The following DPP6 variants were observed in gnomAD, a reference collection of about 807,000 sequenced individuals.
The protein encoded by DPP6 is A-type potassium channel modulatory protein DPP6.
DPP6 carries 69 observed loss-of-function variants against 122.6 expected under a neutral mutation model. The ratio of observed to expected loss-of-function variants is 0.56; its 90% CI spans 0.46 to 0.69. The LOEUF (loss-of-function observed/expected upper bound fraction) is 0.69, where lower values mean the gene tolerates loss of function less well. Among genes scored for constraint, DPP6 ranks in the 30% least tolerant of loss-of-function variants. The pLI is 0.00. For synonymous variants in DPP6, 418 were observed against 433.1 expected, an observed-to-expected ratio of 0.97 and a Z score of 0.43; for missense variants, 928 against 1,116.9, an observed-to-expected ratio of 0.83 and a Z score of 2.41.
chr7:154,772,623 G>T (rs563384917), intron 9 of DPP6, among the ~76,000 whole-genome samples: 9 of 152,250 alleles, frequency 5.9e-5, no homozygotes, highest in African/African-American at 2.2e-4. Context: ...AATGGGAAGC[G>T]GATGGGATTC....
intron 1 of DPP6, among the ~76,000 whole-genome samples, chr7:153,942,300 A>G (rs916445875): frequency 6.6e-6 from 1 of 152,192 alleles, no homozygotes; most frequent in Admixed American, 6.5e-5. Context: ...GCGACTTACA[A>G]GAATTTGCAT....
At chr7:153,814,213 A>AC in the DPP6 span, among the ~76,000 whole-genome samples, 1 of 150,298 alleles carries the variant, frequency 6.7e-6, no homozygotes, top group Non-Finnish European at 1.5e-5. Flanking sequence ...CACTAGCAAG[A>AC]CTAATAAAGA....
chr7:154,247,490 A>C (rs757828413), intron 1 of DPP6, among the ~76,000 whole-genome samples: 1 of 152,218 alleles, frequency 6.6e-6, no homozygotes, highest in South Asian at 2.1e-4. Context: ...CAATAAGCAC[A>C]TGAAATGGTG....
intron 1 of DPP6, among the ~76,000 whole-genome samples, chr7:153,908,571 C>T (rs1799945485): frequency 6.6e-6 from 1 of 152,088 alleles, no homozygotes; most frequent in Non-Finnish European, 1.5e-5. Context: ...TTATGTAGCT[C>T]TTTTACTGAA....
chr7:154,315,121 C>T (rs1204193162), intron 1 of DPP6, among the ~76,000 whole-genome samples: 1 of 152,124 alleles, frequency 6.6e-6, no homozygotes, highest in Non-Finnish European at 1.5e-5. Flanking sequence ...GTGTATCTCC[C>T]CAATTTTTAA....
chr7:154,869,650 AG>A (rs1333492139), intron 18 of DPP6, among the ~76,000 whole-genome samples: 1 of 152,206 alleles, frequency 6.6e-6, no homozygotes, highest in Non-Finnish European at 1.5e-5. Flanking sequence ...GGCCCTGCAC[AG>A]GGACCCTCAC....
chr7:153,892,556 T>C (rs1799248753), intron 1 of DPP6, among the ~76,000 whole-genome samples: 1 of 152,152 alleles, frequency 6.6e-6, no homozygotes, highest in Admixed American at 6.5e-5. Flanking sequence ...TCAGGTGGTC[T>C]GCCCGTCTCG....
intron 1 of DPP6, among the ~76,000 whole-genome samples, chr7:154,169,917 T>G (rs1797449304): frequency 6.6e-6 from 1 of 151,994 alleles, no homozygotes; most frequent in African/African-American, 2.4e-5. Context: ...AGAGATAGGG[T>G]TTCACCATGT....
At chr7:154,575,623 TGTGTGTGTG>T (rs1377587782) in intron 5 of DPP6, among the ~76,000 whole-genome samples, 4 of 141,526 alleles carry the variant, frequency 2.8e-5, no homozygotes, top group Admixed American at 7.1e-5. Flanking sequence ...GTGTGTGTGG[TGTGTGTGTG>T]GTGTGTGTGG....
chr7:154,599,972 C>G (rs760534291), intron 5 of DPP6, among the ~76,000 whole-genome samples: 1 of 152,108 alleles, frequency 6.6e-6, no homozygotes, highest in East Asian at 1.9e-4. Context: ...ACTTCAATCC[C>G]GCTCTTCTCC....
chr7:154,667,304 T>A (rs1398361735), intron 6 of DPP6, among the ~76,000 whole-genome samples: 1 of 152,238 alleles, frequency 6.6e-6, no homozygotes, highest in Non-Finnish European at 1.5e-5. Context: ...AAAAGTTTTA[T>A]GTTTTTATGT....
At chr7:154,082,846 C>CTTTCTTTTTTTTTTT (rs1260484862) in intron 1 of DPP6, among the ~76,000 whole-genome samples, 14 of 106,262 alleles carry the variant, frequency 1.3e-4, no homozygotes, top group South Asian at 3.3e-4. Context: ...TTTTCTTTTT[C>CTTTCTTTTTTTTTTT]TTTTTTTTTT....
upstream of DPP6, among the ~76,000 whole-genome samples, chr7:153,886,212 T>C (rs919782142): frequency 6.6e-6 from 1 of 151,966 alleles, no homozygotes; most frequent in Non-Finnish European, 1.5e-5. Context: ...TGGGTCTGCA[T>C]ATGAATTTGA....
intron 16 of DPP6, among the ~76,000 whole-genome samples, chr7:154,819,213 A>C (rs1028290337): frequency 2.0e-5 from 3 of 152,202 alleles, no homozygotes; most frequent in African/African-American, 7.2e-5. Flanking sequence ...TCAGGAATTC[A>C]AGACCAGCCT....
the DPP6 span, among the ~76,000 whole-genome samples, chr7:153,794,410 G>C: frequency 6.6e-6 from 1 of 152,154 alleles, no homozygotes; most frequent in African/African-American, 2.4e-5. Flanking sequence ...ACTTGCATGG[G>C]CCTTGTAACC....
chr7:153,849,004 TTA>T, the DPP6 span, among the ~76,000 whole-genome samples: 1 of 152,224 alleles, frequency 6.6e-6, no homozygotes, highest in African/African-American at 2.4e-5. Flanking sequence ...TTATGATGGT[TTA>T]TGTCTTTATG....
intron 8 of DPP6, among the ~76,000 whole-genome samples, chr7:154,759,120 C>T (rs1359189106): frequency 6.6e-6 from 1 of 152,114 alleles, no homozygotes. Flanking sequence ...GCTCTGAGAC[C>T]CAGCTTCTCC....
chr7:154,606,601 T>A (rs1833594080), intron 5 of DPP6, among the ~76,000 whole-genome samples: 1 of 120,828 alleles, frequency 8.3e-6, no homozygotes, highest in African/African-American at 2.6e-5. Context: ...TGCCTATAAT[T>A]AGTATGATTA....
At chr7:154,338,328 A>G (rs1809612344) in intron 1 of DPP6, among the ~76,000 whole-genome samples, 1 of 152,134 alleles carries the variant, frequency 6.6e-6, no homozygotes, top group East Asian at 1.9e-4. Context: ...TGTCTGAGAG[A>G]TATCTTAATA....
Sources: gnomAD v4.1 joint callset for allele counts (sites outside exome capture counted in the v4.1 genomes callset) on GRCh38, gnomAD v4.1.1 for gene constraint, MANE v1.5 for transcripts, NCBI Gene and HGNC (gene_info 2026-07-23, HGNC 2026-07-21) for gene names.